EXOC4: variants seen among roughly 807,000 people sequenced by gnomAD.
EXOC4 encodes the protein exocyst complex component 4.
EXOC4 carries 71 observed loss-of-function variants against 107.2 expected under a neutral mutation model. That is an observed-to-expected ratio of 0.66 (90% CI 0.55 to 0.81). The LOEUF is 0.81. Among genes scored for constraint, EXOC4 ranks in the 30% least tolerant of loss-of-function variants. The pLI is 0.00. For synonymous variants in EXOC4, 456 were observed against 441.2 expected, an observed-to-expected ratio of 1.03 and a Z score of -0.42; for missense variants, 1,108 against 1,189.6, an observed-to-expected ratio of 0.93 and a Z score of 1.01.
At chr7:133,284,896 A>T (rs1331053248) in intron 2 of EXOC4, among the ~76,000 whole-genome samples, 1 of 152,112 alleles carries the variant, frequency 6.6e-6, no homozygotes, top group Non-Finnish European at 1.5e-5. Context: ...GGACTCTCCT[A>T]CCTCATCCTA....
chr7:133,639,057 A>G (rs1209820324), intron 10 of EXOC4, among the ~76,000 whole-genome samples: 1 of 152,212 alleles, frequency 6.6e-6, no homozygotes, highest in African/African-American at 2.4e-5. Context: ...AAATATGTTT[A>G]TGTCCAGCCA....
At chr7:133,386,453 G>A (rs532410960) in intron 7 of EXOC4, among the ~76,000 whole-genome samples, 5 of 152,134 alleles carry the variant, frequency 3.3e-5, no homozygotes, top group Non-Finnish European at 7.4e-5. Flanking sequence ...GAGCTCTCTG[G>A]CAGTTGCTGT....
intron 5 of EXOC4, among the ~76,000 whole-genome samples, chr7:133,343,954 C>T (rs80110075): frequency 1.1e-3 from 161 of 152,036 alleles, no homozygotes; most frequent in South Asian, 6.4e-3. Flanking sequence ...GCACTACAGA[C>T]GTGAGCAACC....
At chr7:133,309,737 T>G (rs1320607816) in intron 4 of EXOC4, among the ~76,000 whole-genome samples, 2 of 152,084 alleles carry the variant, frequency 1.3e-5, no homozygotes, top group Admixed American at 1.3e-4. Flanking sequence ...GTCAGGAGTT[T>G]GAGACCAGCC....
chr7:133,843,553 C>T (rs1030838765), intron 11 of EXOC4, among the ~76,000 whole-genome samples: 2 of 152,110 alleles, frequency 1.3e-5, no homozygotes, highest in African/African-American at 4.8e-5. Context: ...CTTATCAGAT[C>T]AAGGAGCTTT....
intron 17 of EXOC4, among the ~76,000 whole-genome samples, chr7:134,035,650 A>G (rs1268979235): frequency 6.6e-6 from 1 of 152,092 alleles, no homozygotes; most frequent in Non-Finnish European, 1.5e-5. Context: ...CTCATCTAAT[A>G]TGAAGTCCCA....
chr7:133,541,721 G>C (rs771301607), intron 9 of EXOC4, among the ~76,000 whole-genome samples: 7 of 151,928 alleles, frequency 4.6e-5, no homozygotes, highest in South Asian at 2.1e-4. Context: ...GCCTAGACTG[G>C]TCTTCAACTC....
At chr7:133,390,184 A>G (rs1392682992) in intron 7 of EXOC4, among the ~76,000 whole-genome samples, 4 of 152,322 alleles carry the variant, frequency 2.6e-5, no homozygotes, top group East Asian at 3.9e-4. Context: ...AGCTGAAGCC[A>G]TACAAATGGA....
At chr7:133,561,804 C>T (rs891889745) in intron 9 of EXOC4, among the ~76,000 whole-genome samples, 3 of 152,158 alleles carry the variant, frequency 2.0e-5, no homozygotes, top group Non-Finnish European at 1.5e-5. Flanking sequence ...AGTGTGGGTG[C>T]GTGCGCGTGC....
At chr7:133,589,363 T>C (rs1217328236) in intron 9 of EXOC4, among the ~76,000 whole-genome samples, 1 of 152,230 alleles carries the variant, frequency 6.6e-6, no homozygotes, top group African/African-American at 2.4e-5. Flanking sequence ...AAACTGTTGC[T>C]ATGACCTGTG....
intron 12 of EXOC4, among the ~76,000 whole-genome samples, chr7:133,910,844 C>T (rs1280080742): frequency 6.6e-6 from 1 of 152,166 alleles, no homozygotes; most frequent in Non-Finnish European, 1.5e-5. Context: ...ACACATCATG[C>T]CCTGGCTGTC....
Position 133,997,582 on chromosome 7 carries a change from C to T in EXOC4, c.2297C>T (p.Ser766Leu), listed in dbSNP as rs760628284. Reference protein sequence around the residue: ...IMQTLSELAKSFQDMADRCLL... With the variant: ...IMQTLSELAKLFQDMADRCLL... Reference sequence around the variant, plus strand: ...CAGACTCTCAGTGAACTTGCCAAATCGTTCCAGGATATGGCTGACCGCTGC... The same window carrying T: ...CAGACTCTCAGTGAACTTGCCAAATTGTTCCAGGATATGGCTGACCGCTGC... The change falls in exon 15 of 18, where the codon TCG becomes TTG. Residue 766 changes from serine to leucine, a missense_variant. Transcript: ENST00000253861. 5.6e-6 allele frequency: 9 copies of T among 1,613,666 alleles called. No homozygotes were observed. Among genetic ancestry groups the T allele is most frequent in the Middle Eastern group, 1.7e-4 (1 of 6,058 alleles).
At chr7:134,044,138 T>C (rs574100902) in intron 17 of EXOC4, among the ~76,000 whole-genome samples, 6 of 152,300 alleles carry the variant, frequency 3.9e-5, no homozygotes, top group Admixed American at 2.6e-4. Flanking sequence ...GGAGCCTGTG[T>C]AGAGTTTGCT....
chr7:133,515,299 G>A (rs970219664), intron 9 of EXOC4, among the ~76,000 whole-genome samples: 1 of 151,046 alleles, frequency 6.6e-6, no homozygotes, highest in African/African-American at 2.4e-5. Context: ...TTCCAACCAT[G>A]GAGATTACTC....
At chr7:133,699,923 C>G (rs1438783424) in intron 10 of EXOC4, among the ~76,000 whole-genome samples, 2 of 152,130 alleles carry the variant, frequency 1.3e-5, no homozygotes, top group Non-Finnish European at 2.9e-5. Context: ...TGTTATGATT[C>G]TTATTTTCAG....
At chr7:133,297,375 A>G (rs1794542507) in intron 3 of EXOC4, among the ~76,000 whole-genome samples, 1 of 152,094 alleles carries the variant, frequency 6.6e-6, no homozygotes, top group African/African-American at 2.4e-5. Context: ...TCCTGATATG[A>G]CCTACTGCAG....
intron 10 of EXOC4, among the ~76,000 whole-genome samples, chr7:133,697,315 G>A (rs1794557708): frequency 6.6e-6 from 1 of 152,018 alleles, no homozygotes; most frequent in Non-Finnish European, 1.5e-5. Flanking sequence ...GACTTGAGTA[G>A]CTTATTTTCA....
At chr7:133,998,556 C>T (rs2346439) in intron 15 of EXOC4, among the ~76,000 whole-genome samples, 104 of 152,206 alleles carry the variant, frequency 6.8e-4, no homozygotes, top group Admixed American at 6.5e-3. Context: ...GGCTGATATG[C>T]TTGTAGGCTG....
At chr7:133,720,694 T>C (rs1162261845) in intron 10 of EXOC4, among the ~76,000 whole-genome samples, 1 of 152,206 alleles carries the variant, frequency 6.6e-6, no homozygotes, top group Admixed American at 6.6e-5. Context: ...TTGTTGATGA[T>C]GCTTAACGGC....
Sources: allele counts gnomAD v4.1 joint callset (sites outside exome capture counted in the v4.1 genomes callset), GRCh38; gene constraint gnomAD v4.1.1; transcripts MANE v1.5; gene names NCBI Gene and HGNC (gene_info 2026-07-23, HGNC 2026-07-21).